Variants in RALGPS1 observed in about 807,000 individuals in gnomAD.
The protein encoded by RALGPS1 is ras-specific guanine nucleotide-releasing factor RalGPS1.
A neutral mutation model predicts 78.8 loss-of-function variants in RALGPS1; 19 were observed. The observed-to-expected ratio is 0.24, with a 90% CI of 0.17 to 0.35. The LOEUF (loss-of-function observed/expected upper bound fraction) is 0.35. Ranked by LOEUF, RALGPS1 falls within the 10% of genes least tolerant of loss-of-function variation. The pLI, the probability that RALGPS1 is intolerant of heterozygous loss-of-function variation, is 1.00. For missense variants in RALGPS1, 454 were observed against 688.3 expected (o/e 0.66, Z 3.81); for synonymous variants, 228 against 256.3 (o/e 0.89, Z 1.06).
At chr9:127,095,889 G>A (rs904104665) in intron 8 of RALGPS1, among the ~76,000 whole-genome samples, 1 of 152,228 alleles carries the variant, frequency 6.6e-6, no homozygotes, top group African/African-American at 2.4e-5. Flanking sequence ...AACCTGACGG[G>A]AAGGCAGGGG....
chr9:126,946,158 C>T (rs73587383), intron 1 of RALGPS1, among the ~76,000 whole-genome samples: 2,832 of 152,066 alleles, frequency 0.019, 97 homozygotes, highest in African/African-American at 0.064. Flanking sequence ...TTTCTCTGTC[C>T]GTGATGGCCC....
intron 11 of RALGPS1, among the ~76,000 whole-genome samples, chr9:127,179,241 G>T (rs1204629954): frequency 6.6e-6 from 1 of 152,232 alleles, no homozygotes; most frequent in African/African-American, 2.4e-5. Flanking sequence ...GAGGGTCGAG[G>T]AGTGCCTGGA....
intron 3 of RALGPS1, among the ~76,000 whole-genome samples, chr9:126,967,158 C>T (rs1047581530): frequency 5.3e-5 from 8 of 152,166 alleles, no homozygotes; most frequent in Non-Finnish European, 1.2e-4. Flanking sequence ...CTGAGCCTGG[C>T]ACATGCATCA....
chr9:127,108,162 G>T (rs753189996), intron 8 of RALGPS1: 1 of 1,614,082 alleles, frequency 6.2e-7, no homozygotes, highest in East Asian at 2.2e-5. Flanking sequence ...ATTGGTTGTG[G>T]GCCAGTGTGG....
At chr9:127,036,907 G>T (rs113790775) in intron 5 of RALGPS1, among the ~76,000 whole-genome samples, 1 of 152,158 alleles carries the variant, frequency 6.6e-6, no homozygotes, top group Admixed American at 6.5e-5. Context: ...ACTGCCTTCC[G>T]GAAGTTTATG....
chr9:127,098,652 A>G (rs950119539), intron 8 of RALGPS1, among the ~76,000 whole-genome samples: 25 of 152,258 alleles, frequency 1.6e-4, no homozygotes, highest in African/African-American at 5.8e-4. Context: ...GGAGGTGATC[A>G]GCTTTGGGTG....
chr9:127,078,358 C>T (rs2050865562), intron 8 of RALGPS1, among the ~76,000 whole-genome samples: 1 of 152,000 alleles, frequency 6.6e-6, no homozygotes, highest in Non-Finnish European at 1.5e-5. Flanking sequence ...TACAAAAGGC[C>T]AGTGGATGTT....
chr9:127,097,746 C>T (rs1306965615), intron 8 of RALGPS1, among the ~76,000 whole-genome samples: 3 of 152,178 alleles, frequency 2.0e-5, no homozygotes, highest in African/African-American at 4.8e-5. Context: ...TCGTAGGGGG[C>T]CAGGCAAGGG....
chr9:127,184,976 C>T (rs1478457137), intron 11 of RALGPS1, among the ~76,000 whole-genome samples: 6 of 152,186 alleles, frequency 3.9e-5, no homozygotes, highest in African/African-American at 9.7e-5. Context: ...TCCGTGGGAA[C>T]GAGGCTTCCC....
intron 1 of RALGPS1, among the ~76,000 whole-genome samples, chr9:126,923,818 A>C (rs1467463226): frequency 1.3e-5 from 2 of 152,200 alleles, no homozygotes; most frequent in African/African-American, 4.8e-5. Flanking sequence ...GTGCCACTAC[A>C]CCTGGCTGAC....
intron 8 of RALGPS1, among the ~76,000 whole-genome samples, chr9:127,071,579 T>A (rs2050205928): frequency 6.6e-6 from 1 of 152,182 alleles, no homozygotes; most frequent in Non-Finnish European, 1.5e-5. Flanking sequence ...GAATTACTGG[T>A]TTATTTGTGT....
At chr9:127,201,902 AG>A (rs773167614) in intron 14 of RALGPS1, among the ~76,000 whole-genome samples, 87 of 152,356 alleles carry the variant, frequency 5.7e-4, no homozygotes, top group Non-Finnish European at 1.2e-3. Flanking sequence ...CTTTCTCTGC[AG>A]GCCGCACCGC....
chr9:127,196,515 C>T lies in RALGPS1; in HGVS notation c.1079C>T (p.Thr360Ile), dbSNP rs1478066879. ...QLSVVESKSA[T>I]FPSEKARHLL... ...AGTGTAGTTGAGAGTAAAAGTGCGACATTCCCATCGGAGAAAGCAAGGCAC... is the reference window on the plus strand; with the variant it reads ...AGTGTAGTTGAGAGTAAAAGTGCGATATTCCCATCGGAGAAAGCAAGGCAC... Residue 360 changes from threonine (T) to isoleucine (I), a missense_variant, in exon 13 of 19, where the codon ACA becomes ATA. Thr to Ile is a moderately conservative substitution (Grantham distance 89). Transcript: ENST00000259351. 1 of 1,614,130 alleles carries T rather than the reference C, an allele frequency of 6.2e-7. No homozygotes were observed. The highest frequency in any genetic ancestry group is 2.2e-5 in the East Asian group (1 of 44,894).
At position 127,208,018 on chromosome 9, in the gene RALGPS1, C is replaced by G. The variant is rs113537886; in HGVS notation, c.1248-4113C>G. 3.3e-5 allele frequency among the ~76,000 whole-genome samples: 5 copies of G among 152,368 alleles called. No individual in the cohort carries two copies. The South Asian group carries it at 1.0e-3, about 32-fold the overall frequency. The stretch of plus-strand genomic sequence containing the variant: ...GACAAGTGGCTTCACCTCCTTGAGC[C>G]TCAGTTTCCTCATCTAAAACTGTGA... On this transcript the variant is annotated intron_variant, in intron 14 of 18. Transcript: ENST00000259351.
At chr9:127,049,573 C>A (rs998012629) in intron 5 of RALGPS1, among the ~76,000 whole-genome samples, 2 of 152,198 alleles carry the variant, frequency 1.3e-5, no homozygotes, top group African/African-American at 2.4e-5. Flanking sequence ...ATGAATCCTC[C>A]TTATCTTAGG....
At chr9:126,925,862 G>C (rs1213559653) in intron 1 of RALGPS1, among the ~76,000 whole-genome samples, 1 of 152,228 alleles carries the variant, frequency 6.6e-6, no homozygotes, top group Non-Finnish European at 1.5e-5. Context: ...AAGCTAGCCA[G>C]GTGGAGAGGT....
chr9:127,039,198 G>T (rs2047092566), intron 5 of RALGPS1, among the ~76,000 whole-genome samples: 1 of 152,136 alleles, frequency 6.6e-6, no homozygotes, highest in Non-Finnish European at 1.5e-5. Context: ...GACATTTAAG[G>T]GATGGGCAGA....
chr9:127,060,541 G>GTTA (rs928120373), intron 7 of RALGPS1, among the ~76,000 whole-genome samples: 15 of 149,194 alleles, frequency 1.0e-4, no homozygotes, highest in Admixed American at 2.0e-4. Context: ...TGTTGTTGTT[G>GTTA]TTATTAATAT....
chr9:127,038,783 G>A (rs2047061072), intron 5 of RALGPS1, among the ~76,000 whole-genome samples: 1 of 152,222 alleles, frequency 6.6e-6, no homozygotes, highest in Non-Finnish European at 1.5e-5. Context: ...CAGGAGCAAG[G>A]GAGGCCAGAG....
Sources: allele counts gnomAD v4.1 joint callset (sites outside exome capture counted in the v4.1 genomes callset), GRCh38; gene constraint gnomAD v4.1.1; transcripts MANE v1.5; gene names NCBI Gene and HGNC (gene_info 2026-07-23, HGNC 2026-07-21).